The following EDNRA variants were observed in gnomAD, a reference collection of about 807,000 sequenced individuals.
EDNRA encodes the protein endothelin receptor type A.
EDNRA carries 11 observed loss-of-function variants against 41.4 expected under a neutral mutation model. That is an observed-to-expected ratio of 0.27 (90% CI 0.17 to 0.44). The LOEUF (loss-of-function observed/expected upper bound fraction) is 0.44. EDNRA is among the 20% of genes least tolerant of loss of function. EDNRA has a pLI of 1.00. For synonymous variants in EDNRA, 172 were observed against 183.0 expected (o/e 0.94, Z 0.49); for missense variants, 294 against 531.0 (o/e 0.55, Z 4.39).
chr4:147,505,303 G>C (rs1578789173), intron 2 of EDNRA, among the ~76,000 whole-genome samples: 1 of 140,396 alleles, frequency 7.1e-6, no homozygotes, highest in East Asian at 2.1e-4. Context: ...CACTCTGTAA[G>C]AGAGTTTGGC....
chr4:147,529,557 T>C (rs1440045503), intron 3 of EDNRA, among the ~76,000 whole-genome samples: 1 of 151,778 alleles, frequency 6.6e-6, no homozygotes, highest in Non-Finnish European at 1.5e-5. Flanking sequence ...AACTGGGAGA[T>C]TGTGGTGGAA....
At chr4:147,481,836 A>C (rs1205340019) in intron 1 of EDNRA, among the ~76,000 whole-genome samples, 1 of 152,164 alleles carries the variant, frequency 6.6e-6, no homozygotes, top group Non-Finnish European at 1.5e-5. Context: ...AAGGGTAGCC[A>C]AGGGCACTCG....
chr4:147,537,086 A>G (rs1159876218), intron 5 of EDNRA, among the ~76,000 whole-genome samples: 1 of 152,212 alleles, frequency 6.6e-6, no homozygotes, highest in Non-Finnish European at 1.5e-5. Context: ...AACTACACCA[A>G]AAGTTAATGT....
intron 3 of EDNRA, among the ~76,000 whole-genome samples, chr4:147,529,558 T>A (rs1184238380): frequency 6.6e-6 from 1 of 151,956 alleles, no homozygotes; most frequent in African/African-American, 2.4e-5. Context: ...ACTGGGAGAT[T>A]GTGGTGGAAA....
rs545749942 is a variant in EDNRA, at chr4:147,486,919, G to C, written c.420+818G>C. 6.7e-6 allele frequency among the ~76,000 whole-genome samples: 1 copy of C among 148,638 alleles called. No homozygotes were observed. Among genetic ancestry groups the C allele is most frequent in the African/African-American group, 2.5e-5 (1 of 39,478 alleles). On this transcript the variant is annotated intron_variant, in intron 2 of 7. Transcript: ENST00000651419. The surrounding 1 kb of genome is among the most constrained non-coding windows in gnomAD (Gnocchi z 4.3). ...TTGCTATTAAAAAAAAAAAAAAAAG[G>C]CTGGGTAATTTATAAAGAAAAGAGA...
Position 147,509,563 on chromosome 4 carries a change from G to A in EDNRA, c.421-10288G>A, listed in dbSNP as rs534720542. 2.0e-5 allele frequency among the ~76,000 whole-genome samples: 3 copies of A among 152,242 alleles called. No individual in the cohort carries two copies. The South Asian group carries it at 6.2e-4, about 32-fold the overall frequency. On this transcript the variant is annotated intron_variant, in intron 2 of 7. Coordinates refer to ENST00000651419, the MANE Select transcript of EDNRA (RefSeq NM_001957.4). ...GCCACACAGCAGGAGGTGAGTGGCA[G>A]GCAAGCAGTGAAGCTTCCTCTGTAT... is the stretch of plus-strand genomic sequence containing the variant.
chr4:147,518,800 A>G (rs947728591), intron 2 of EDNRA, among the ~76,000 whole-genome samples: 1 of 152,222 alleles, frequency 6.6e-6, no homozygotes, highest in African/African-American at 2.4e-5. Flanking sequence ...ACTGTTTCCT[A>G]GTGAGTTAAG....
intron 2 of EDNRA, among the ~76,000 whole-genome samples, chr4:147,516,622 C>T (rs1730125009): frequency 1.3e-5 from 2 of 152,192 alleles, no homozygotes; most frequent in African/African-American, 4.8e-5. Context: ...TACATAGACT[C>T]TTGTAGCAAA....
chr4:147,514,371 A>G (rs1015433494), intron 2 of EDNRA, among the ~76,000 whole-genome samples: 20 of 152,180 alleles, frequency 1.3e-4, no homozygotes, highest in Non-Finnish European at 2.9e-5. Context: ...CTGTTATTGT[A>G]CTGTGACTTT....
chr4:147,491,201 C>T (rs1373315200), intron 2 of EDNRA: 6 of 152,144 alleles, frequency 3.9e-5, no homozygotes, highest in Non-Finnish European at 5.9e-5. Flanking sequence ...GAAGTTACCA[C>T]GAATATTTTG....
intron 2 of EDNRA, among the ~76,000 whole-genome samples, chr4:147,503,974 ATTAT>A (rs1237779304): frequency 2.0e-5 from 3 of 152,286 alleles, no homozygotes; most frequent in Admixed American, 6.5e-5. Context: ...AAACAAAAAA[ATTAT>A]TTAGTGCGAA....
chr4:147,489,856 A>G (rs546788068), intron 2 of EDNRA: 3 of 152,020 alleles, frequency 2.0e-5, no homozygotes, highest in Non-Finnish European at 2.9e-5. Flanking sequence ...CTTTTCCCCC[A>G]TGTTTAGCAA....
intron 2 of EDNRA, among the ~76,000 whole-genome samples, chr4:147,503,157 C>T (rs1158738868): frequency 2.6e-5 from 4 of 151,902 alleles, no homozygotes; most frequent in Non-Finnish European, 4.4e-5. Flanking sequence ...TTTTCAGATA[C>T]GTTTTAAAAT....
intron 2 of EDNRA, among the ~76,000 whole-genome samples, chr4:147,510,944 A>G (rs992010795): frequency 6.6e-6 from 1 of 152,238 alleles, no homozygotes; most frequent in Non-Finnish European, 1.5e-5. Flanking sequence ...ATATGAAAAT[A>G]ATGTACAATT....
At position 147,519,967 on chromosome 4, in the gene EDNRA, T is replaced by C; in HGVS notation, c.537T>C (p.Leu179=). 5.6e-6 allele frequency: 9 copies of C among 1,611,076 alleles called. No homozygotes were observed. The highest frequency in any genetic ancestry group is 7.6e-6 in the Non-Finnish European group (9 of 1,178,370). The change falls in exon 3 of 8, where the codon CTT becomes CTC. Residue 179 remains leucine (L), a synonymous_variant. Transcript: ENST00000651419. The surrounding 1 kb of genome is among the most constrained non-coding windows in gnomAD (Gnocchi z 4.1). ...VGITVLNLCA[L]SVDRYRAVAS... The stretch of plus-strand genomic sequence containing the variant: ...TCACCGTCCTCAACCTCTGCGCTCT[T>C]AGTGTTGACAGGTAATGTGGTTCTT...
At chr4:147,512,452 A>C (rs1729961460) in intron 2 of EDNRA, among the ~76,000 whole-genome samples, 2 of 152,222 alleles carry the variant, frequency 1.3e-5, no homozygotes, top group African/African-American at 4.8e-5. Context: ...GAAACACCGA[A>C]TATTCAGTAG....
intron 3 of EDNRA, among the ~76,000 whole-genome samples, chr4:147,521,100 T>C (rs2126451074): frequency 6.6e-6 from 1 of 151,918 alleles, no homozygotes; most frequent in African/African-American, 2.4e-5. Flanking sequence ...CTACCAAAAA[T>C]ACAAAAAATT....
At chr4:147,497,081 T>G (rs1578781255) in intron 2 of EDNRA, among the ~76,000 whole-genome samples, 1 of 151,830 alleles carries the variant, frequency 6.6e-6, no homozygotes, top group East Asian at 1.9e-4. Context: ...TATATTTTAC[T>G]ATTCAGTAAT....
At chr4:147,500,935 A>T (rs1729497331) in intron 2 of EDNRA, among the ~76,000 whole-genome samples, 1 of 152,140 alleles carries the variant, frequency 6.6e-6, no homozygotes, top group Admixed American at 6.5e-5. Flanking sequence ...CAGAGCATTG[A>T]CCTATTCGTG....
Sources: gnomAD v4.1 joint callset for allele counts (sites outside exome capture counted in the v4.1 genomes callset) on GRCh38, gnomAD v4.1.1 for gene constraint, Gnocchi (gnomAD v3.1) non-coding constraint, MANE v1.5 for transcripts, NCBI Gene and HGNC (gene_info 2026-07-23, HGNC 2026-07-21) for gene names.